Variants in PVT1 observed in about 807,000 individuals in gnomAD.
PVT1 encodes CXCR4/PVT1 fusion.
intron 4 of PVT1, among the ~76,000 whole-genome samples, chr8:128,052,278 G>A (rs1055052429): frequency 7.3e-5 from 10 of 137,210 alleles, no homozygotes; most frequent in South Asian, 2.4e-4. Flanking sequence ...TGTAGCATGC[G>A]TCTGTGAAGG....
At chr8:128,034,673 A>G (rs1275540520) in intron 4 of PVT1, among the ~76,000 whole-genome samples, 1 of 152,246 alleles carries the variant, frequency 6.6e-6, no homozygotes, top group African/African-American at 2.4e-5. Flanking sequence ...CTTGGGCTCC[A>G]GATCACTTAG....
At position 128,037,709 on chromosome 8, in the gene PVT1, C is replaced by T. The variant is rs547229374; in HGVS notation, n.913-32451C>T. Reference sequence around the variant, plus strand: ...GGCCTCCGTGGGACACAGAGCTTCTCAGGAGCACACGAAGCTCAGTCTCTG... The same window carrying T: ...GGCCTCCGTGGGACACAGAGCTTCTTAGGAGCACACGAAGCTCAGTCTCTG... On this transcript the variant is annotated intron_variant and non_coding_transcript_variant, in intron 4 of 10. Transcript: ENST00000651587. Among the ~76,000 whole-genome samples, 29 of 152,298 alleles carry T rather than the reference C, an allele frequency of 1.9e-4. No individual in the cohort carries two copies. The South Asian group carries it at 6.0e-3, about 32-fold the overall frequency.
chr8:128,000,708 AT>A (rs1220903364), intron 4 of PVT1, among the ~76,000 whole-genome samples: 1 of 152,216 alleles, frequency 6.6e-6, no homozygotes, highest in African/African-American at 2.4e-5. Flanking sequence ...ACTTTGTCCC[AT>A]AACAATAGTT....
chr8:128,058,384 G>GTA (rs1430960367), intron 4 of PVT1, among the ~76,000 whole-genome samples: 1 of 147,110 alleles, frequency 6.8e-6, no homozygotes, highest in Non-Finnish European at 1.5e-5. Context: ...ATGCATGTGT[G>GTA]TGTGTGTGTG....
At chr8:127,894,780 GT>G (rs112962502) in intron 3 of PVT1, among the ~76,000 whole-genome samples, 2,083 of 152,324 alleles carry the variant, frequency 0.014, 38 homozygotes, top group African/African-American at 0.048. Flanking sequence ...ACCGGTAATT[GT>G]TTCTATTTGC....
intron 5 of PVT1, among the ~76,000 whole-genome samples, chr8:128,079,244 G>A (rs1814140679): frequency 6.6e-6 from 1 of 151,978 alleles, no homozygotes; most frequent in Non-Finnish European, 1.5e-5. Context: ...CTCATCAGTG[G>A]AATCATTAGA....
chr8:128,055,431 G>T (rs140196259), intron 4 of PVT1, among the ~76,000 whole-genome samples: 4 of 152,188 alleles, frequency 2.6e-5, no homozygotes, highest in African/African-American at 9.6e-5. Flanking sequence ...CTACATTAAT[G>T]CCAATAAACA....
intron 3 of PVT1, among the ~76,000 whole-genome samples, chr8:127,966,386 T>G (rs148757368): frequency 1.8e-4 from 27 of 152,328 alleles, no homozygotes; most frequent in Non-Finnish European, 3.5e-4. Context: ...ACCCTGAGTC[T>G]TAGAAAAAAC....
intron 3 of PVT1, among the ~76,000 whole-genome samples, chr8:127,905,746 C>T (rs147176463): frequency 7.9e-5 from 12 of 152,230 alleles, no homozygotes; most frequent in East Asian, 1.9e-4. Flanking sequence ...ATTTCTCAGG[C>T]GAGGAAATAG....
chr8:128,043,724 T>C (rs1813573366), intron 4 of PVT1, among the ~76,000 whole-genome samples: 1 of 151,428 alleles, frequency 6.6e-6, no homozygotes, highest in Non-Finnish European at 1.5e-5. Flanking sequence ...TGTGTACACA[T>C]ACATTATTTT....
chr8:127,883,762 G>A (rs1209523865), intron 2 of PVT1, among the ~76,000 whole-genome samples: 3 of 152,216 alleles, frequency 2.0e-5, no homozygotes, highest in African/African-American at 7.2e-5. Context: ...CCAAGAGAAT[G>A]GGGCTGGGGC....
intron 3 of PVT1, among the ~76,000 whole-genome samples, chr8:127,981,450 A>C (rs1292173082): frequency 1.3e-5 from 2 of 152,240 alleles, no homozygotes; most frequent in Admixed American, 6.5e-5. Flanking sequence ...GTTTATCTGC[A>C]CAAGTCACCC....
intron 3 of PVT1, among the ~76,000 whole-genome samples, chr8:127,929,503 T>A (rs1447422473): frequency 6.6e-6 from 1 of 152,114 alleles, no homozygotes; most frequent in Non-Finnish European, 1.5e-5. Flanking sequence ...AAAATTTTTT[T>A]AAAAAGAAAA....
intron 3 of PVT1, among the ~76,000 whole-genome samples, chr8:127,959,147 C>A (rs1168669591): frequency 6.6e-6 from 1 of 152,174 alleles, no homozygotes; most frequent in Non-Finnish European, 1.5e-5. Context: ...GTGCTAGCCA[C>A]GTGAGTGCAT....
intron 3 of PVT1, among the ~76,000 whole-genome samples, chr8:127,949,035 C>G (rs912496155): frequency 6.6e-6 from 1 of 152,214 alleles, no homozygotes; most frequent in African/African-American, 2.4e-5. Context: ...TAAGCCTTTT[C>G]CATGTCTGAA....
At chr8:127,805,075 C>G (rs564430826) in intron 2 of PVT1, among the ~76,000 whole-genome samples, 2 of 151,530 alleles carry the variant, frequency 1.3e-5, no homozygotes, top group African/African-American at 4.9e-5. Context: ...GCATTACAGG[C>G]GCTCACCACC....
At chr8:127,860,244 C>T (rs986794980) in intron 2 of PVT1, among the ~76,000 whole-genome samples, 1 of 152,178 alleles carries the variant, frequency 6.6e-6, no homozygotes, top group South Asian at 2.1e-4. Flanking sequence ...AATCGGCTTC[C>T]AGCTCTGGGC....
chr8:128,022,765 G>C (rs1817453025), intron 4 of PVT1, among the ~76,000 whole-genome samples: 1 of 151,964 alleles, frequency 6.6e-6, no homozygotes, highest in Admixed American at 6.6e-5. Context: ...GTGGTGAACT[G>C]ATTACAGGAA....
chr8:128,068,383 A>T (rs1162711101), intron 4 of PVT1, among the ~76,000 whole-genome samples: 1 of 152,168 alleles, frequency 6.6e-6, no homozygotes, highest in Non-Finnish European at 1.5e-5. Context: ...TGAGGAAAAT[A>T]GCACATCAGT....
Sources: gnomAD v4.1 joint callset for allele counts (sites outside exome capture counted in the v4.1 genomes callset) on GRCh38, gnomAD v4.1.1 for gene constraint, MANE v1.5 for transcripts, NCBI Gene and HGNC (gene_info 2026-07-23, HGNC 2026-07-21) for gene names.